Variants in PDPR observed in about 807,000 individuals in gnomAD.
The protein encoded by PDPR is pyruvate dehydrogenase phosphatase regulatory subunit.
In PDPR, 50 loss-of-function variants were observed where a neutral mutation model predicts 102.2. The ratio of observed to expected loss-of-function variants is 0.49; its 90% CI spans 0.39 to 0.62. The LOEUF (loss-of-function observed/expected upper bound fraction) is 0.62. Ranked by LOEUF, PDPR falls within the 20% of genes least tolerant of loss-of-function variation. The probability of loss-of-function intolerance (pLI) is 0.00; values close to 1 mark genes in which losing one functional copy is unlikely to be tolerated. For synonymous variants in PDPR, 259 were observed against 406.0 expected, an observed-to-expected ratio of 0.64 and a Z score of 4.35; for missense variants, 625 against 1,098.2, an observed-to-expected ratio of 0.57 and a Z score of 6.09.
At chr16:70,133,659 C>T (rs1454129646) in intron 9 of PDPR, among the ~76,000 whole-genome samples, 1 of 152,172 alleles carries the variant, frequency 6.6e-6, no homozygotes, top group African/African-American at 2.4e-5. Context: ...CTCAAGTGAT[C>T]TGCCTGCCTT....
At position 70,157,219 on chromosome 16, in the gene PDPR, C is replaced by A. The variant is rs1425541784; in HGVS notation, c.*340C>A. ...ACAGCTGCTTTCAAATTCTGCATCT[C>A]AAGGCAGGGCAAGCCGGGGTGGTGC... On this transcript the variant is annotated 3_prime_UTR_variant, in exon 19 of 19. Transcript: ENST00000288050. 1.8e-6 allele frequency: 1 copy of A among 544,062 alleles called. No homozygotes were observed. Among genetic ancestry groups the A allele is most frequent in the Non-Finnish European group, 3.5e-6 (1 of 286,624 alleles). The allele number at this position is 544,062 out of a possible 1,614,324, so 33.7% of individuals were successfully genotyped here. A position where few individuals can be genotyped will look rare whatever the true frequency, so the allele number is the denominator to read the frequency against.
chr16:70,149,390 C>T (rs1333562881), intron 17 of PDPR, among the ~76,000 whole-genome samples: 7 of 152,182 alleles, frequency 4.6e-5, no homozygotes, highest in Admixed American at 2.0e-4. Context: ...TTCAGCCTCC[C>T]GAGTAGCTGG....
At chr16:70,153,304 A>G (rs1966843921) in intron 17 of PDPR, 87 bp from the exon 18 acceptor site, 7 of 1,360,938 alleles carry the variant, frequency 5.1e-6, no homozygotes, top group African/African-American at 1.5e-5. Context: ...GTCCATGTTA[A>G]TAGTGTGAGC....
chr16:70,153,934 C>T (rs1966863719), intron 18 of PDPR, among the ~76,000 whole-genome samples: 1 of 152,270 alleles, frequency 6.6e-6, no homozygotes, highest in African/African-American at 2.4e-5. Context: ...AATCCCAACA[C>T]TTTGGGAGGC....
intron 13 of PDPR, among the ~76,000 whole-genome samples, chr16:70,143,088 G>A (rs1187237746): frequency 1.3e-5 from 2 of 152,338 alleles, no homozygotes; most frequent in East Asian, 1.9e-4. Context: ...CCAGCTACTC[G>A]GGAGGCAGGA....
Position 70,120,931 on chromosome 16 carries a change from CTTTTTTTTT to C in PDPR, c.227+230_227+238del, listed in dbSNP as rs71385643. On this transcript the variant is annotated intron_variant, in intron 3 of 18. Transcript: ENST00000288050. ...TAGAGAGTTGGCAAATTTCGTTTTCCTTTTTTTTTTTTTTTTTTTTTTTTTTGGTGGTGG... is the reference window on the plus strand; with the variant it reads ...TAGAGAGTTGGCAAATTTCGTTTTCCTTTTTTTTTTTTTTTTTGGTGGTGG... 1.7e-3 allele frequency among the ~76,000 whole-genome samples: 170 copies of C among 102,996 alleles called. No individual in the cohort carries two copies. In the Middle Eastern group the frequency reaches 0.025, roughly 15 times the overall value. The allele number at this position is 102,996 out of a possible 152,430, so 67.6% of individuals were successfully genotyped here. A position where few individuals can be genotyped will look rare whatever the true frequency, so the allele number is the denominator to read the frequency against.
At position 70,156,677 on chromosome 16, in the gene PDPR, G is replaced by A; in HGVS notation, c.2438G>A (p.Cys813Tyr). 6.2e-7 allele frequency: 1 copy of A among 1,614,070 alleles called. No homozygotes were observed. Among genetic ancestry groups the A allele is most frequent in the Non-Finnish European group, 8.5e-7 (1 of 1,179,916 alleles). ...AYSYSLERHV[C>Y]LGFVHNFSED... The stretch of plus-strand genomic sequence containing the variant: ...AGCTACAGCCTGGAGCGCCACGTTT[G>A]CCTGGGCTTTGTGCACAATTTTTCT... Residue 813 changes from cysteine (C) to tyrosine (Y), a missense_variant, in exon 19 of 19, where the codon TGC becomes TAC. This residue lies in a region of PDPR where 303 missense variants were observed against 258.9 expected (regional missense o/e 1.17). Transcript: ENST00000288050.
intron 9 of PDPR, among the ~76,000 whole-genome samples, chr16:70,132,712 T>A (rs1964665986): frequency 1.3e-5 from 2 of 152,142 alleles, no homozygotes; most frequent in African/African-American, 4.8e-5. Context: ...GATCTCGAAC[T>A]CCAAGGCTCA....
Position 70,160,977 on chromosome 16 carries a change from T to A in PDPR, c.*4098T>A, listed in dbSNP as rs1056665406. 2 of 152,548 alleles carry A rather than the reference T, an allele frequency of 1.3e-5. No individual in the cohort carries two copies. The highest frequency in any genetic ancestry group is 4.8e-5 in the African/African-American group (2 of 41,486). 9.4% of individuals were successfully genotyped at this position (152,548 alleles called of 1,614,324 possible). On this transcript the variant is annotated 3_prime_UTR_variant, in exon 19 of 19. Transcript: ENST00000288050. ...AGGGAATCTTCTGTGGCCCACAGTC[T>A]CCATATTGGCACTAGAAGACTGGCC...
chr16:70,131,135 G>A (rs1964497370), intron 7 of PDPR, among the ~76,000 whole-genome samples, 167 bp from the exon 8 acceptor site: 2 of 152,112 alleles, frequency 1.3e-5, no homozygotes, highest in South Asian at 2.1e-4. Context: ...AAAAAATGTA[G>A]TATTGCTCCC....
chr16:70,141,047 T>C (rs1720167899), intron 11 of PDPR, among the ~76,000 whole-genome samples: 1 of 152,184 alleles, frequency 6.6e-6, no homozygotes, highest in Admixed American at 6.6e-5. Flanking sequence ...GATTAGACCT[T>C]AAGGGAAATG....
intron 3 of PDPR, among the ~76,000 whole-genome samples, chr16:70,123,299 C>T (rs1287589908): frequency 6.6e-6 from 1 of 152,276 alleles, no homozygotes; most frequent in Non-Finnish European, 1.5e-5. Flanking sequence ...TGCAGTGGTT[C>T]AATCTCAGCT....
At chr16:70,143,870 T>TGG (rs1368510139) in intron 14 of PDPR, among the ~76,000 whole-genome samples, 1 of 151,722 alleles carries the variant, frequency 6.6e-6, no homozygotes, top group East Asian at 1.9e-4. Flanking sequence ...TGTACCCTAC[T>TGG]GGGAGAAGAT....
chr16:70,131,850 A>T, intron 8 of PDPR: 1 of 1,418,274 alleles, frequency 7.1e-7, no homozygotes, highest in East Asian at 3.9e-5. Flanking sequence ...CCTCTCTGTT[A>T]AACTTTCGCT....
intron 17 of PDPR, among the ~76,000 whole-genome samples, chr16:70,150,457 A>G (rs2152116815): frequency 6.6e-6 from 1 of 152,272 alleles, no homozygotes; most frequent in South Asian, 2.1e-4. Context: ...GACAGGTAGC[A>G]ATCAATGATT....
intron 7 of PDPR, 62 bp from the exon 8 acceptor site, chr16:70,131,240 G>A (rs1354337102): frequency 1.6e-6 from 2 of 1,228,764 alleles, no homozygotes; most frequent in African/African-American, 3.1e-5. Context: ...TCAAGAGGCT[G>A]AACTTGCTCA....
chr16:70,136,160 G>A (rs1036407320), intron 9 of PDPR, 34 bp from the exon 10 acceptor site: 7 of 1,341,096 alleles, frequency 5.2e-6, no homozygotes, highest in African/African-American at 1.5e-5. Flanking sequence ...CCTTAAAGGT[G>A]AGAACTCTAT....
intron 17 of PDPR, among the ~76,000 whole-genome samples, 184 bp from the exon 18 acceptor site, chr16:70,153,206 TG>T (rs1966842766): frequency 1.3e-5 from 2 of 152,290 alleles, no homozygotes; most frequent in African/African-American, 2.4e-5. Context: ...AAGTCCAGGC[TG>T]GGGTGACCCC....
rs750121026 is a variant in PDPR at position 70,120,729 on chromosome 16, A to C, written c.227+10A>C. On this transcript the variant is annotated intron_variant, in intron 3 of 18. Transcript: ENST00000288050. ...TTTTGGAGCAGGGCAGGTAAGGATC[A>C]GACTGCATTTGGCTCATGGCTGTGC... 3 of 1,573,036 alleles carry C rather than the reference A, an allele frequency of 1.9e-6. No individual in the cohort carries two copies. The highest frequency in any genetic ancestry group is 2.6e-6 in the Non-Finnish European group (3 of 1,142,602).
Sources: allele counts gnomAD v4.1 joint callset (sites outside exome capture counted in the v4.1 genomes callset), GRCh38; gene constraint gnomAD v4.1.1; regional missense constraint gnomAD v4.1.1; transcripts MANE v1.5; gene names NCBI Gene and HGNC (gene_info 2026-07-23, HGNC 2026-07-21).